Variants in MBD5 observed in about 807,000 individuals in gnomAD.
MBD5 encodes the protein methyl-CpG-binding domain protein 5.
Under a neutral mutation model 117.3 loss-of-function variants are expected in MBD5, and 13 were observed. That is an observed-to-expected ratio of 0.11 (90% CI 0.07 to 0.18). The LOEUF (loss-of-function observed/expected upper bound fraction) is 0.18, where lower values mean the gene tolerates loss of function less well. MBD5 is among the 10% of genes least tolerant of loss of function. MBD5 has a pLI of 1.00. For synonymous variants in MBD5, 727 were observed against 766.4 expected, an observed-to-expected ratio of 0.95 and a Z score of 0.85; for missense variants, 1,879 against 2,093.8, an observed-to-expected ratio of 0.90 and a Z score of 2.00.
intron 1 of MBD5, among the ~76,000 whole-genome samples, chr2:148,031,630 C>T (rs964713153): frequency 2.0e-5 from 3 of 151,330 alleles, no homozygotes; most frequent in East Asian, 1.9e-4. Context: ...AATGTAGTTT[C>T]GAAAAGAAAG....
intron 3 of MBD5, among the ~76,000 whole-genome samples, chr2:148,276,016 T>G (rs188923705): frequency 1.4e-4 from 21 of 152,310 alleles, no homozygotes; most frequent in African/African-American, 5.1e-4. Context: ...TTGTTTTGAC[T>G]ATTTTTTAAC....
At chr2:148,275,509 G>A (rs1392250676) in intron 3 of MBD5, among the ~76,000 whole-genome samples, 2 of 152,200 alleles carry the variant, frequency 1.3e-5, no homozygotes, top group Non-Finnish European at 2.9e-5. Context: ...GAATATTAAA[G>A]TCTTGTATCC....
intron 3 of MBD5, among the ~76,000 whole-genome samples, chr2:148,262,142 A>G (rs2106304128): frequency 6.7e-6 from 1 of 150,226 alleles, no homozygotes; most frequent in East Asian, 1.9e-4. Context: ...ACATGAAGTG[A>G]GCACATGCTG....
chr2:148,284,391 T>C (rs1400452969), intron 3 of MBD5, among the ~76,000 whole-genome samples: 1 of 152,224 alleles, frequency 6.6e-6, no homozygotes, highest in East Asian at 1.9e-4. Flanking sequence ...AATGCATTTT[T>C]TAAGAATTTT....
At chr2:148,168,244 C>G (rs1698175023) in intron 1 of MBD5, among the ~76,000 whole-genome samples, 1 of 152,056 alleles carries the variant, frequency 6.6e-6, no homozygotes, top group Non-Finnish European at 1.5e-5. Flanking sequence ...CTTCAATAGC[C>G]CTGTCTCTTA....
chr2:148,208,294 C>A lies in MBD5; in HGVS notation c.-830-24951C>A, dbSNP rs142420398. 5.8e-3 allele frequency among the ~76,000 whole-genome samples: 877 copies of A among 152,130 alleles called. 4 individuals carry two copies. The highest frequency in any genetic ancestry group is 9.8e-3 in the Non-Finnish European group (668 of 68,002). ...GAAAATAGGGTCTTACTCTGTTGCC[C>A]AGGCTGGAGTGCAGTGGCATGATCT... On this transcript the variant is annotated intron_variant, in intron 2 of 13. Transcript: ENST00000642680.
At chr2:148,027,734 T>C (rs1343638826) in intron 1 of MBD5, 2 of 152,152 alleles carry the variant, frequency 1.3e-5, no homozygotes, top group Non-Finnish European at 2.9e-5. Flanking sequence ...CAACTTTTAT[T>C]GACTCTATCG....
intron 1 of MBD5, among the ~76,000 whole-genome samples, chr2:148,127,839 C>T (rs1435167076): frequency 6.6e-6 from 1 of 152,198 alleles, no homozygotes; most frequent in East Asian, 1.9e-4. Flanking sequence ...AACTAATTTA[C>T]ACTCCCACCA....
chr2:148,353,147 C>T (rs958231423), intron 4 of MBD5, among the ~76,000 whole-genome samples: 3 of 151,934 alleles, frequency 2.0e-5, no homozygotes, highest in Non-Finnish European at 4.4e-5. Flanking sequence ...TTTTTGTGTA[C>T]ATTAAAGGTT....
At chr2:148,135,433 C>A (rs1003176874) in intron 1 of MBD5, among the ~76,000 whole-genome samples, 1 of 152,080 alleles carries the variant, frequency 6.6e-6, no homozygotes, top group Non-Finnish European at 1.5e-5. Flanking sequence ...AGACAACATA[C>A]TTTATTTAAC....
chr2:148,252,276 A>G (rs1324673505), intron 3 of MBD5, among the ~76,000 whole-genome samples: 1 of 152,108 alleles, frequency 6.6e-6, no homozygotes, highest in African/African-American at 2.4e-5. Flanking sequence ...CAGCCTGAAC[A>G]TAGCTAGACA....
intron 1 of MBD5, among the ~76,000 whole-genome samples, chr2:148,050,437 T>G (rs1385602773): frequency 3.3e-5 from 5 of 152,178 alleles, no homozygotes; most frequent in Admixed American, 3.3e-4. Flanking sequence ...ATTATTGAAT[T>G]GTAAGAGTTC....
intron 3 of MBD5, among the ~76,000 whole-genome samples, chr2:148,340,920 G>A (rs1472587454): frequency 6.6e-6 from 1 of 151,378 alleles, no homozygotes; most frequent in East Asian, 1.9e-4. Flanking sequence ...CTTTGTGAAT[G>A]TTAATCCTTA....
chr2:148,088,015 C>T (rs763712053), intron 1 of MBD5, among the ~76,000 whole-genome samples: 20 of 146,592 alleles, frequency 1.4e-4, no homozygotes, highest in Non-Finnish European at 2.4e-4. Flanking sequence ...GATATCATAA[C>T]GAAAAAAAAA....
chr2:148,173,816 C>T (rs191503844), intron 1 of MBD5, among the ~76,000 whole-genome samples: 1 of 152,274 alleles, frequency 6.6e-6, no homozygotes, highest in Admixed American at 6.5e-5. Context: ...AAAGATATCC[C>T]ATGTTTATGC....
At chr2:148,113,237 C>T (rs1696544447) in intron 1 of MBD5, among the ~76,000 whole-genome samples, 1 of 152,156 alleles carries the variant, frequency 6.6e-6, no homozygotes, top group Admixed American at 6.6e-5. Context: ...TTTCTTCTTA[C>T]CCTTTGTAAT....
intron 3 of MBD5, among the ~76,000 whole-genome samples, chr2:148,255,749 A>T (rs1700574942): frequency 6.6e-6 from 1 of 152,226 alleles, no homozygotes; most frequent in Admixed American, 6.5e-5. Context: ...CTCCAGCCCC[A>T]CAAAGACAGG....
At chr2:148,411,388 A>G (rs2091151) in intron 4 of MBD5, among the ~76,000 whole-genome samples, 83,995 of 151,844 alleles carry the variant, frequency 0.55, 24,074 homozygotes, top group African/African-American at 0.72. Flanking sequence ...GGGTCGAGTG[A>G]CAATTCTGTT....
intron 1 of MBD5, among the ~76,000 whole-genome samples, chr2:148,128,035 T>G (rs1696944248): frequency 6.6e-6 from 1 of 152,226 alleles, no homozygotes; most frequent in Non-Finnish European, 1.5e-5. Flanking sequence ...ATGTCTTCTT[T>G]TGAGAAGTGT....
Sources: gnomAD v4.1 joint callset for allele counts (sites outside exome capture counted in the v4.1 genomes callset) on GRCh38, gnomAD v4.1.1 for gene constraint, MANE v1.5 for transcripts, NCBI Gene and HGNC (gene_info 2026-07-23, HGNC 2026-07-21) for gene names.